Variants in IQGAP2 observed in about 807,000 individuals in gnomAD.
The protein encoded by IQGAP2 is ras GTPase-activating-like protein IQGAP2.
A neutral mutation model predicts 201.3 loss-of-function variants in IQGAP2; 173 were observed. The observed-to-expected ratio is 0.86, with a 90% CI of 0.76 to 0.98. The LOEUF is 0.98. Among genes scored for constraint, IQGAP2 ranks in the 50% least tolerant of loss-of-function variants. The pLI, the probability that IQGAP2 is intolerant of heterozygous loss-of-function variation, is 0.00. For synonymous variants in IQGAP2, 675 were observed against 673.9 expected, an observed-to-expected ratio of 1.00 and a Z score of -0.03; for missense variants, 1,687 against 1,864.8, an observed-to-expected ratio of 0.90 and a Z score of 1.76.
intron 30 of IQGAP2, among the ~76,000 whole-genome samples, chr5:76,689,230 T>TTTAA (rs566505116): frequency 2.3e-5 from 2 of 86,492 alleles, no homozygotes; most frequent in African/African-American, 9.5e-5. Flanking sequence ...CAGGGATATT[T>TTTAA]AAAAAAAAAA....
chr5:76,548,072 A>T (rs1214801983), intron 2 of IQGAP2, among the ~76,000 whole-genome samples: 1 of 152,174 alleles, frequency 6.6e-6, no homozygotes, highest in Non-Finnish European at 1.5e-5. Flanking sequence ...GACCTGTTGC[A>T]TGCTGGGTGC....
rs537803896 is a variant in IQGAP2 at position 76,688,886 on chromosome 5, C to T, written c.3906-4469C>T. ...GGCACAGAACAGGTATAAACCTTTT[C>T]CTGGGTAACACAGTTACTAAGTGGA... is the stretch of plus-strand genomic sequence containing the variant. On this transcript the variant is annotated intron_variant, in intron 30 of 35. Coordinates refer to ENST00000274364, the MANE Select transcript of IQGAP2 (RefSeq NM_006633.5). Among the ~76,000 whole-genome samples the T allele has an allele frequency of 4.6e-4, 70 of 152,166 alleles. No homozygotes were observed. In the South Asian group the frequency reaches 0.014, roughly 31 times the overall value.
At chr5:76,438,531 C>T (rs575743405) in intron 1 of IQGAP2, among the ~76,000 whole-genome samples, 1 of 152,212 alleles carries the variant, frequency 6.6e-6, no homozygotes, top group East Asian at 1.9e-4. Context: ...CAACCTCCAC[C>T]TCCCAGGTTC....
chr5:76,531,307 C>G (rs1475913752), intron 2 of IQGAP2, among the ~76,000 whole-genome samples: 1 of 152,036 alleles, frequency 6.6e-6, no homozygotes, highest in East Asian at 1.9e-4. Context: ...TGCTCTGTTG[C>G]CCATGTTGGA....
In IQGAP2 at chr5:76,695,663, C is replaced by G; in HGVS notation, c.4203C>G (p.Ala1401=). 3 of 1,612,486 alleles carry G rather than the reference C, an allele frequency of 1.9e-6. No homozygotes were observed. Among genetic ancestry groups the G allele is most frequent in the Non-Finnish European group, 2.5e-6 (3 of 1,178,650 alleles). ...ACCAAGACATTCTCAATGAGATTGC[C>G]AAGGTTTTTGGAAACAGTATTCTTT... ...NKYQDILNEI[A]KDIRNQRIYR... Residue 1401 remains alanine (A), a synonymous_variant, in exon 32 of 36, where the codon GCC becomes GCG. Coordinates refer to ENST00000274364, the MANE Select transcript of IQGAP2 (RefSeq NM_006633.5).
intron 1 of IQGAP2, among the ~76,000 whole-genome samples, chr5:76,406,078 T>G (rs1750785013): frequency 6.6e-6 from 1 of 152,224 alleles, no homozygotes; most frequent in Non-Finnish European, 1.5e-5. Context: ...CCTACCCACT[T>G]GACTCCTCAT....
In IQGAP2 at chr5:76,674,389, A is replaced by C. The variant is rs140568341; in HGVS notation, c.3295-88A>C. 1.5e-3 allele frequency: 1,043 copies of C among 716,108 alleles called. 8 individuals carry two copies. In the African/African-American group the frequency reaches 0.017, roughly 12 times the overall value. The allele number at this position is 716,108 out of a possible 1,614,324, so 44.4% of individuals were successfully genotyped here. On this transcript the variant is annotated intron_variant, in intron 26 of 35. Coordinates refer to ENST00000274364, the MANE Select transcript of IQGAP2 (RefSeq NM_006633.5). ...TCTGCTTTCTCTTGGGAAATGTAGG[A>C]GAATATATATCTTTAAAAAAAAAAA...
At chr5:76,623,327 G>A in intron 13 of IQGAP2, 2 of 1,422,030 alleles carry the variant, frequency 1.4e-6, no homozygotes, top group East Asian at 2.3e-5. Context: ...GCAAATGGAA[G>A]CCTTGGTCTG....
At position 76,562,831 on chromosome 5, in the gene IQGAP2, G is replaced by A. The variant is rs142736819; in HGVS notation, c.303+279G>A. 5.1e-3 allele frequency among the ~76,000 whole-genome samples: 771 copies of A among 152,266 alleles called. 7 individuals carry two copies. Among genetic ancestry groups the A allele is most frequent in the African/African-American group, 0.017 (711 of 41,542 alleles). ...GTCACTCTTGACTTTATTAGTGCCA[G>A]TAAAGGTAAAAGTGGGGGCATGCTA... On this transcript the variant is annotated intron_variant, in intron 3 of 35. Transcript: ENST00000274364.
At chr5:76,690,000 A>G (rs896182337) in intron 30 of IQGAP2, among the ~76,000 whole-genome samples, 1 of 151,888 alleles carries the variant, frequency 6.6e-6, no homozygotes, top group Non-Finnish European at 1.5e-5. Flanking sequence ...TGATGAATAA[A>G]CTCCCTGGTG....
intron 2 of IQGAP2, among the ~76,000 whole-genome samples, chr5:76,491,867 G>A (rs1024288575): frequency 1.3e-5 from 2 of 152,134 alleles, no homozygotes; most frequent in Non-Finnish European, 2.9e-5. Flanking sequence ...GGACCTTTGA[G>A]TTGTACCTTC....
At chr5:76,618,617 C>G in intron 13 of IQGAP2, 1 of 1,612,498 alleles carries the variant, frequency 6.2e-7, no homozygotes, top group Non-Finnish European at 8.5e-7. Context: ...TTGGCTTTGC[C>G]AAGTTGTTTG....
At chr5:76,509,984 CTTTTTT>C (rs11331690) in intron 2 of IQGAP2, among the ~76,000 whole-genome samples, 1 of 138,054 alleles carries the variant, frequency 7.2e-6, no homozygotes. Flanking sequence ...AATTTTCTTT[CTTTTTT>C]TTTTTTTTTT....
chr5:76,570,809 A>G, intron 4 of IQGAP2, 152 bp downstream of exon 4: 1 of 619,958 alleles, frequency 1.6e-6, no homozygotes. Flanking sequence ...TATCCAAAGT[A>G]ACATATGGCA....
At chr5:76,504,942 C>T (rs940094217) in intron 2 of IQGAP2, among the ~76,000 whole-genome samples, 1 of 152,154 alleles carries the variant, frequency 6.6e-6, no homozygotes, top group Admixed American at 6.5e-5. Context: ...ACCCTCCTCC[C>T]CTTAGAGGCC....
intron 1 of IQGAP2, among the ~76,000 whole-genome samples, chr5:76,407,089 C>T (rs1750841086): frequency 6.6e-6 from 1 of 152,122 alleles, no homozygotes; most frequent in South Asian, 2.1e-4. Context: ...AAGCTGTCCT[C>T]CCACCTCACC....
chr5:76,429,001 C>A (rs938513746), intron 1 of IQGAP2, among the ~76,000 whole-genome samples: 3 of 150,548 alleles, frequency 2.0e-5, no homozygotes, highest in Non-Finnish European at 4.4e-5. Context: ...ATTGCTTGAA[C>A]CTGGGAGACA....
intron 2 of IQGAP2, among the ~76,000 whole-genome samples, chr5:76,541,552 T>C: frequency 6.6e-6 from 1 of 152,194 alleles, no homozygotes. Flanking sequence ...TTATAATACC[T>C]ATACTGGATC....
At chr5:76,426,937 A>T (rs6884909) in intron 1 of IQGAP2, among the ~76,000 whole-genome samples, 742 of 60,298 alleles carry the variant, frequency 0.012, 8 homozygotes, top group East Asian at 0.056. Flanking sequence ...TGTGTGTGTG[A>T]GTGTGTGCAG....
Sources: allele counts gnomAD v4.1 joint callset (sites outside exome capture counted in the v4.1 genomes callset), GRCh38; gene constraint gnomAD v4.1.1; transcripts MANE v1.5; gene names NCBI Gene and HGNC (gene_info 2026-07-23, HGNC 2026-07-21).